The following PRICKLE1 variants were observed in gnomAD, a reference collection of about 807,000 sequenced individuals.
PRICKLE1 encodes prickle-like protein 1.
In PRICKLE1, 14 loss-of-function variants were observed where a neutral mutation model predicts 70.2. That is an observed-to-expected ratio of 0.20 (90% confidence interval 0.13 to 0.31). PRICKLE1 has a LOEUF of 0.31. Ranked by LOEUF, PRICKLE1 falls within the 10% of genes least tolerant of loss-of-function variation. The pLI, the probability that PRICKLE1 is intolerant of heterozygous loss-of-function variation, is 1.00. For missense variants in PRICKLE1, 821 were observed against 1,026.2 expected, an observed-to-expected ratio of 0.80 and a Z score of 2.73; for synonymous variants, 357 against 379.9, an observed-to-expected ratio of 0.94 and a Z score of 0.70.
At position 42,560,391 on chromosome 12, in the gene PRICKLE1, C is replaced by T. The variant is rs1166158381; in HGVS notation, c.-49+29074G>A. Among the ~76,000 whole-genome samples, 3 of 152,080 alleles carry T rather than the reference C, an allele frequency of 2.0e-5. No homozygotes were observed. The South Asian group carries it at 6.2e-4, about 32-fold the overall frequency. On this transcript the variant is annotated intron_variant, in intron 1 of 7. Transcript: ENST00000345127. ...TCAGGTGATCCACCCGCCTCGGCTT[C>T]CCAAAGTGCTGGGATTACAGGTGTG... is the stretch of plus-strand genomic sequence containing the variant.
chr12:42,463,467 C>T (rs1232512619), intron 7 of PRICKLE1, among the ~76,000 whole-genome samples: 2 of 151,984 alleles, frequency 1.3e-5, no homozygotes, highest in African/African-American at 2.4e-5. Flanking sequence ...TGCCTATAAT[C>T]CCAGCACTTT....
chr12:42,578,552 G>A (rs542709968), intron 1 of PRICKLE1, among the ~76,000 whole-genome samples: 71 of 152,064 alleles, frequency 4.7e-4, no homozygotes, highest in Middle Eastern at 3.4e-3. Flanking sequence ...TATTTGATAC[G>A]CATCTTTCCT....
intron 1 of PRICKLE1, among the ~76,000 whole-genome samples, chr12:42,581,690 T>C (rs1024058726): frequency 1.3e-5 from 2 of 150,064 alleles, no homozygotes; most frequent in Non-Finnish European, 3.0e-5. Flanking sequence ...GAGGTTGCAG[T>C]GAGCCAAGAT....
Position 42,461,006 on chromosome 12 carries a change from T to C in PRICKLE1, c.1640-341A>G, listed in dbSNP as rs531707602. Reference sequence around the variant, plus strand: ...AAGCAGTTTTCCTGCCTCAACCTCCTGAGTAGCTGGGATTACAGGCATGTG... The same window carrying C: ...AAGCAGTTTTCCTGCCTCAACCTCCCGAGTAGCTGGGATTACAGGCATGTG... On this transcript the variant is annotated intron_variant, in intron 7 of 7. Coordinates refer to ENST00000345127, the MANE Select transcript of PRICKLE1 (RefSeq NM_153026.3). Among the ~76,000 whole-genome samples the C allele has an allele frequency of 5.4e-4, 82 of 152,262 alleles. No homozygotes were observed. The Middle Eastern group carries it at 0.024, about 44-fold the overall frequency.
chr12:42,474,441 C>T (rs1250766644), intron 1 of PRICKLE1, among the ~76,000 whole-genome samples: 1 of 152,162 alleles, frequency 6.6e-6, no homozygotes, highest in Non-Finnish European at 1.5e-5. Flanking sequence ...ATTATTCCAA[C>T]TAATAAATTT....
Position 42,466,205 on chromosome 12 carries a change from C to A in PRICKLE1, c.764G>T (p.Gly255Val). The A allele has an allele frequency of 6.2e-7, 1 of 1,614,128 alleles. No individual in the cohort carries two copies. Among genetic ancestry groups the A allele is most frequent in the South Asian group, 1.1e-5 (1 of 91,080 alleles). The change falls in exon 6 of 8, where the codon GGG (glycine) becomes GTG (valine). Residue 255 changes from glycine to valine, a missense_variant. Transcript: ENST00000345127. ...SLYAEYCETCGEHIGVDHAQM... is the reference protein window; with the variant it reads ...SLYAEYCETCVEHIGVDHAQM... ...GGCTGTGGACTTACCAATATGTTCC[C>A]CACAGGTTTCACAGTACTCCGCATA...
chr12:42,498,960 TC>T (rs1159712352), intron 1 of PRICKLE1, among the ~76,000 whole-genome samples: 2 of 152,224 alleles, frequency 1.3e-5, no homozygotes, highest in East Asian at 3.8e-4. Flanking sequence ...GAACTCTCCA[TC>T]AGTCCCAAAA....
chr12:42,493,128 T>C (rs1244332863), intron 1 of PRICKLE1, among the ~76,000 whole-genome samples: 2 of 152,206 alleles, frequency 1.3e-5, no homozygotes, highest in African/African-American at 2.4e-5. Context: ...GAAATCTCAA[T>C]AGTTAGGAAG....
At chr12:42,471,433 G>GT (rs1938318399) in intron 2 of PRICKLE1, among the ~76,000 whole-genome samples, 1 of 152,136 alleles carries the variant, frequency 6.6e-6, no homozygotes. Flanking sequence ...ACTCTAAGTT[G>GT]TAAGAAGGGA....
rs1270584782 is a variant in PRICKLE1 at position 42,519,384 on chromosome 12, T to C, written c.-48-46820A>G. 2.6e-5 allele frequency among the ~76,000 whole-genome samples: 4 copies of C among 151,808 alleles called. No homozygotes were observed. The East Asian group carries it at 5.8e-4, about 22-fold the overall frequency. On this transcript the variant is annotated intron_variant, in intron 1 of 7. Transcript: ENST00000345127. ...GCTAATTTTGTGTTTTTAGTAGAGA[T>C]GGGGTTTCACCATGTTGGCCAGGCT...
chr12:42,465,699 G>GGGCATTTCATGCTGCTAAGGGCATT (rs1938071208), intron 6 of PRICKLE1: 2 of 265,818 alleles, frequency 7.5e-6, no homozygotes, highest in Admixed American at 1.0e-4. Flanking sequence ...CTGAAATGCT[G>GGGCATTTCATGCTGCTAAGGGCATT]TCATGTTGCT....
intron 1 of PRICKLE1, among the ~76,000 whole-genome samples, chr12:42,546,472 T>C (rs1190127982): frequency 6.6e-6 from 1 of 152,244 alleles, no homozygotes; most frequent in Non-Finnish European, 1.5e-5. Flanking sequence ...TTAAATATTA[T>C]TCTTCACTTG....
intron 1 of PRICKLE1, among the ~76,000 whole-genome samples, chr12:42,514,887 C>CTCTATCTATCTATCTATCTATCTATCTA (rs150030888): frequency 7.2e-6 from 1 of 139,678 alleles, no homozygotes; most frequent in Non-Finnish European, 1.5e-5. Flanking sequence ...TTAAGGCTCG[C>CTCTATCTATCTATCTATCTATCTATCTA]TCTATCTATC....
At chr12:42,568,542 G>C (rs1461068976) in intron 1 of PRICKLE1, among the ~76,000 whole-genome samples, 7 of 152,352 alleles carry the variant, frequency 4.6e-5, no homozygotes, top group Admixed American at 3.9e-4. Flanking sequence ...AAAGCACATA[G>C]GGTAAGGTGG....
intron 1 of PRICKLE1, among the ~76,000 whole-genome samples, chr12:42,569,104 G>A (rs993287226): frequency 6.6e-6 from 1 of 151,894 alleles, no homozygotes; most frequent in Non-Finnish European, 1.5e-5. Flanking sequence ...TTTATTTTTT[G>A]ACAGCTGCAT....
At chr12:42,518,382 A>G (rs1939646658) in intron 1 of PRICKLE1, among the ~76,000 whole-genome samples, 1 of 152,214 alleles carries the variant, frequency 6.6e-6, no homozygotes, top group Non-Finnish European at 1.5e-5. Context: ...TCACTTGTCT[A>G]CTAACAAGGA....
chr12:42,566,979 G>A (rs1284513609), intron 1 of PRICKLE1, among the ~76,000 whole-genome samples: 4 of 152,246 alleles, frequency 2.6e-5, no homozygotes, highest in Middle Eastern at 3.4e-3. Context: ...AACATATGAG[G>A]GGCAAAGAGA....
At position 42,512,955 on chromosome 12, in the gene PRICKLE1, T is replaced by C. The variant is rs572479292; in HGVS notation, c.-48-40391A>G. On this transcript the variant is annotated intron_variant, in intron 1 of 7. Coordinates refer to ENST00000345127, the MANE Select transcript of PRICKLE1 (RefSeq NM_153026.3). ...GAGCCCACTTTGCCCTAAGGCATTA[T>C]TATTATTATTATTATTATTGTTATT... Among the ~76,000 whole-genome samples the C allele has an allele frequency of 9.0e-3, 1,362 of 151,406 alleles. 13 individuals carry two copies. The highest frequency in any genetic ancestry group is 0.015 in the Non-Finnish European group (1,005 of 67,762).
At chr12:42,485,133 C>G (rs1938953230) in intron 1 of PRICKLE1, among the ~76,000 whole-genome samples, 1 of 150,206 alleles carries the variant, frequency 6.7e-6, no homozygotes, top group Non-Finnish European at 1.5e-5. Context: ...CTCATTGTAA[C>G]TGTGATTTAA....
Sources: gnomAD v4.1 joint callset for allele counts (sites outside exome capture counted in the v4.1 genomes callset) on GRCh38, gnomAD v4.1.1 for gene constraint, MANE v1.5 for transcripts, NCBI Gene and HGNC (gene_info 2026-07-23, HGNC 2026-07-21) for gene names.